UBE2D3: variants seen among roughly 807,000 people sequenced by gnomAD.
The protein encoded by UBE2D3 is ubiquitin-conjugating enzyme E2 D3.
A neutral mutation model predicts 22.8 loss-of-function variants in UBE2D3; 2 were observed. The ratio of observed to expected loss-of-function variants is 0.09; its 90% confidence interval spans 0.04 to 0.28. The LOEUF (loss-of-function observed/expected upper bound fraction) is 0.28. Ranked by LOEUF, UBE2D3 falls within the 10% of genes least tolerant of loss-of-function variation. The pLI, the probability that UBE2D3 is intolerant of heterozygous loss-of-function variation, is 1.00. For missense variants in UBE2D3, 27 were observed against 182.5 expected, an observed-to-expected ratio of 0.15 and a Z score of 4.91; for synonymous variants, 56 against 60.4, an observed-to-expected ratio of 0.93 and a Z score of 0.34.
At chr4:102,806,378 A>G (rs774223039) in intron 4 of UBE2D3, among the ~76,000 whole-genome samples, 1 of 152,074 alleles carries the variant, frequency 6.6e-6, no homozygotes, top group Non-Finnish European at 1.5e-5. Context: ...ATCCACCCAT[A>G]TATCTAACAT....
chr4:102,851,348 A>T (rs1048573451), intron 1 of UBE2D3, among the ~76,000 whole-genome samples: 1 of 152,234 alleles, frequency 6.6e-6, no homozygotes, highest in African/African-American at 2.4e-5. Context: ...GGAACACTGC[A>T]CTGAGACCAC....
chr4:102,817,358 C>T (rs1005677794), intron 2 of UBE2D3, among the ~76,000 whole-genome samples: 1 of 152,180 alleles, frequency 6.6e-6, no homozygotes, highest in Non-Finnish European at 1.5e-5. Flanking sequence ...AGCAGTCGTA[C>T]ACCACAAGTG....
chr4:102,798,446 A>G (rs1262335553), intron 7 of UBE2D3, among the ~76,000 whole-genome samples: 1 of 151,718 alleles, frequency 6.6e-6, no homozygotes, highest in Non-Finnish European at 1.5e-5. Context: ...TCAAAAAGCC[A>G]GCACTTTAAA....
intron 1 of UBE2D3, among the ~76,000 whole-genome samples, chr4:102,861,480 A>G (rs1481646371): frequency 1.3e-5 from 2 of 152,042 alleles, no homozygotes; most frequent in Non-Finnish European, 2.9e-5. Context: ...TTAAATATAT[A>G]AAGTAACATT....
chr4:102,826,856 G>A (rs1440931739), intron 1 of UBE2D3: 9 of 1,127,418 alleles, frequency 8.0e-6, no homozygotes, highest in Admixed American at 4.8e-5. Context: ...TAGAAAGGAA[G>A]AGACCCGGGT....
chr4:102,825,678 C>T (rs1311502644), intron 2 of UBE2D3: 12 of 838,536 alleles, frequency 1.4e-5, no homozygotes, highest in Non-Finnish European at 1.9e-5. Context: ...TTTCAAGTAA[C>T]GAAACAAGGG....
chr4:102,831,936 TAAA>T (rs1353050896), upstream of UBE2D3, among the ~76,000 whole-genome samples: 1 of 152,188 alleles, frequency 6.6e-6, no homozygotes, highest in African/African-American at 2.4e-5. Flanking sequence ...TCTATTTATT[TAAA>T]AAACATCGAA....
intron 4 of UBE2D3, among the ~76,000 whole-genome samples, chr4:102,805,503 T>G (rs1726887903): frequency 6.6e-6 from 1 of 152,074 alleles, no homozygotes; most frequent in South Asian, 2.1e-4. Context: ...TTCTTTTTTT[T>G]TTTTTTTTAA....
intron 1 of UBE2D3, among the ~76,000 whole-genome samples, chr4:102,857,161 G>A (rs548438906): frequency 1.3e-5 from 2 of 152,016 alleles, no homozygotes; most frequent in Non-Finnish European, 2.9e-5. Flanking sequence ...GTGACATATG[G>A]GAATCTGTAT....
chr4:102,856,768 T>C (rs1420162648), intron 1 of UBE2D3, among the ~76,000 whole-genome samples: 1 of 152,230 alleles, frequency 6.6e-6, no homozygotes, highest in African/African-American at 2.4e-5. Flanking sequence ...ATACATACTT[T>C]CTACAATTTG....
chr4:102,815,734 T>C (rs992085361), intron 2 of UBE2D3, among the ~76,000 whole-genome samples: 3 of 152,198 alleles, frequency 2.0e-5, no homozygotes, highest in African/African-American at 7.2e-5. Context: ...ACTTTCGAAG[T>C]TCTCCATCAC....
chr4:102,804,266 G>T (rs1726666487), intron 4 of UBE2D3, among the ~76,000 whole-genome samples: 1 of 152,100 alleles, frequency 6.6e-6, no homozygotes, highest in African/African-American at 2.4e-5. Flanking sequence ...AGGTTCAAGA[G>T]ATTCTCCTGC....
Position 102,799,609 on chromosome 4 carries a change from G to A in UBE2D3, c.305-109C>T, listed in dbSNP as rs1397151619. 12 of 732,364 alleles carry A rather than the reference G, an allele frequency of 1.6e-5. No individual in the cohort carries two copies. In the East Asian group the frequency reaches 3.0e-4, roughly 18 times the overall value. 45.4% of individuals were successfully genotyped at this position (732,364 alleles called of 1,614,324 possible). A position where few individuals can be genotyped will look rare whatever the true frequency, so the allele number is the denominator to read the frequency against. ...ATCCTCAAAAGACTTTTATTAGTTT[G>A]TATCTTTATCTCAATGAGACACAGT... On this transcript the variant is annotated intron_variant, in intron 6 of 7. Coordinates refer to ENST00000453744, the MANE Select transcript of UBE2D3 (RefSeq NM_181891.3).
At chr4:102,853,134 C>CCTCTTTTTT (rs1560891590) in intron 1 of UBE2D3, among the ~76,000 whole-genome samples, 1 of 80,760 alleles carries the variant, frequency 1.2e-5, no homozygotes. Context: ...CAAACACACA[C>CCTCTTTTTT]ATTTTTTTTT....
chr4:102,826,433 C>T, intron 2 of UBE2D3, 52 bp downstream of exon 2: 2 of 1,611,162 alleles, frequency 1.2e-6, no homozygotes, highest in Non-Finnish European at 1.7e-6. Flanking sequence ...TTCCTCTTGG[C>T]CCGAGCCTTC....
At chr4:102,812,957 T>G (rs1253677616) in intron 2 of UBE2D3, 1 of 152,152 alleles carries the variant, frequency 6.6e-6, no homozygotes, top group Non-Finnish European at 1.5e-5. Flanking sequence ...AGTGCTACTT[T>G]CAACAAGATT....
intron 4 of UBE2D3, among the ~76,000 whole-genome samples, chr4:102,808,125 A>G (rs1727357740): frequency 6.6e-6 from 1 of 152,216 alleles, no homozygotes; most frequent in Non-Finnish European, 1.5e-5. Flanking sequence ...ACTGCTTTAC[A>G]AAACACTAGG....
rs201191603 is a variant in UBE2D3, at chr4:102,809,781, A to G, written c.88+11T>C. 268 of 1,613,866 alleles carry G rather than the reference A, an allele frequency of 1.7e-4. No individual in the cohort carries two copies. In the African/African-American group the frequency reaches 3.0e-3, roughly 18 times the overall value. On this transcript the variant is annotated intron_variant, in intron 3 of 7. Transcript: ENST00000453744. ...AAATTAGGCATAAAAATCAACTTGC[A>G]AGTTACTTACTATCATCCCCAACTG...
At chr4:102,838,749 C>A (rs1334567768) in intron 1 of UBE2D3, among the ~76,000 whole-genome samples, 1 of 125,598 alleles carries the variant, frequency 8.0e-6, no homozygotes. Context: ...CAAGTAAAAG[C>A]GTAAAATATT....
Sources: gnomAD v4.1 joint callset for allele counts (sites outside exome capture counted in the v4.1 genomes callset) on GRCh38, gnomAD v4.1.1 for gene constraint, MANE v1.5 for transcripts, NCBI Gene and HGNC (gene_info 2026-07-23, HGNC 2026-07-21) for gene names.